Variants in SNX30 observed in about 807,000 individuals in gnomAD.
SNX30 encodes the protein sorting nexin family member 30.
A neutral mutation model predicts 46.4 loss-of-function variants in SNX30; 24 were observed. The ratio of observed to expected loss-of-function variants is 0.52; its 90% CI spans 0.37 to 0.73. The LOEUF is 0.73. Ranked by LOEUF, SNX30 falls within the 30% of genes least tolerant of loss-of-function variation. The pLI is 0.00. For synonymous variants in SNX30, 189 were observed against 211.5 expected, an observed-to-expected ratio of 0.89 and a Z score of 0.92; for missense variants, 533 against 555.7, an observed-to-expected ratio of 0.96 and a Z score of 0.41.
rs7026148 is a variant in SNX30 at position 112,874,308 on chromosome 9, T to C, written c.*5465T>C. 91,937 of 152,082 alleles carry C rather than the reference T, an allele frequency of 0.6. 28,318 individuals carry two copies. Among genetic ancestry groups the C allele is most frequent in the Middle Eastern group, 0.76 (222 of 294 alleles). The allele number at this position is 152,082 out of a possible 1,614,324, so 9.4% of individuals were successfully genotyped here. Reference sequence around the variant, plus strand: ...GATGAAGTCTGGTGGATTCCCTGTCTGTTGTATTTCTGTGTGCCTGTTCCC... The same window carrying C: ...GATGAAGTCTGGTGGATTCCCTGTCCGTTGTATTTCTGTGTGCCTGTTCCC... On this transcript the variant is annotated 3_prime_UTR_variant, in exon 9 of 9. Transcript: ENST00000374232.
At chr9:112,845,827 T>C (rs1261544224) in intron 6 of SNX30, among the ~76,000 whole-genome samples, 2 of 152,124 alleles carry the variant, frequency 1.3e-5, no homozygotes, top group Admixed American at 1.3e-4. Context: ...TTCCATGGAG[T>C]TTCCCTCTTG....
chr9:112,876,200 G>A (rs1212911584), downstream of SNX30, among the ~76,000 whole-genome samples: 1 of 152,208 alleles, frequency 6.6e-6, no homozygotes, highest in East Asian at 1.9e-4. Context: ...AAGTGATAAA[G>A]GGAGGTGAAA....
intron 1 of SNX30, among the ~76,000 whole-genome samples, chr9:112,763,764 G>A (rs1216491990): frequency 2.6e-5 from 4 of 151,454 alleles, no homozygotes; most frequent in East Asian, 2.0e-4. Flanking sequence ...CAGGAGAATC[G>A]CTTGAACCAG....
intron 1 of SNX30, among the ~76,000 whole-genome samples, chr9:112,793,107 GC>G (rs1324803233): frequency 4.6e-5 from 7 of 152,158 alleles, no homozygotes; most frequent in South Asian, 2.1e-4. Context: ...CCTGCTATTT[GC>G]CCCCATCAGA....
At chr9:112,779,895 G>T (rs757087230) in intron 1 of SNX30, among the ~76,000 whole-genome samples, 1 of 152,138 alleles carries the variant, frequency 6.6e-6, no homozygotes. Context: ...GAGGGGACGT[G>T]GGGAATCTCT....
chr9:112,819,992 T>G (rs1279744923), intron 3 of SNX30, among the ~76,000 whole-genome samples: 2 of 152,212 alleles, frequency 1.3e-5, no homozygotes, highest in Non-Finnish European at 2.9e-5. Context: ...GCCCACACCA[T>G]GCATCAGGGA....
chr9:112,812,461 G>A (rs2131413633), intron 2 of SNX30, among the ~76,000 whole-genome samples: 1 of 152,178 alleles, frequency 6.6e-6, no homozygotes, highest in Non-Finnish European at 1.5e-5. Context: ...TCACCATGTT[G>A]GCCAGGCTGG....
chr9:112,852,062 C>T (rs1260603453), intron 7 of SNX30, among the ~76,000 whole-genome samples: 1 of 152,128 alleles, frequency 6.6e-6, no homozygotes, highest in Non-Finnish European at 1.5e-5. Context: ...GCAGATGGCA[C>T]CATGTTCCAG....
chr9:112,865,659 ATATG>A (rs1311099028), intron 8 of SNX30, among the ~76,000 whole-genome samples: 825 of 79,048 alleles, frequency 0.01, 14 homozygotes, highest in South Asian at 0.031. Flanking sequence ...ATATATATAT[ATATG>A]TATGTATGTA....
chr9:112,752,896 T>C (rs1171610590), intron 1 of SNX30, among the ~76,000 whole-genome samples: 1 of 152,188 alleles, frequency 6.6e-6, no homozygotes, highest in Non-Finnish European at 1.5e-5. Context: ...ACTTCTAAGC[T>C]CACTCACATG....
Position 112,852,486 on chromosome 9 carries a change from T to TCCCCA in SNX30, c.1101+1554_1101+1558dup, listed in dbSNP as rs1841044432. 2.0e-5 allele frequency among the ~76,000 whole-genome samples: 3 copies of TCCCCA among 152,206 alleles called. No homozygotes were observed. The South Asian group carries it at 6.2e-4, about 32-fold the overall frequency. ...GATATCTCAGAAGTCCTGGAACTGA[T>TCCCCA]CCCCACCCCACCCCACCAGATAGCG... On this transcript the variant is annotated intron_variant, in intron 7 of 8. Coordinates refer to ENST00000374232, the MANE Select transcript of SNX30 (RefSeq NM_001012994.2).
At chr9:112,884,018 G>A (rs1430793918), downstream of SNX30, among the ~76,000 whole-genome samples, 1 of 152,176 alleles carries the variant, frequency 6.6e-6, no homozygotes, top group African/African-American at 2.4e-5. Flanking sequence ...TGAAGAATGA[G>A]GCATTAGTTA....
Position 112,804,892 on chromosome 9 carries a change from CT to C in SNX30, c.275del (p.Phe92SerfsTer3). 1.9e-6 allele frequency: 3 copies of C among 1,613,876 alleles called. No individual in the cohort carries two copies. Among genetic ancestry groups the C allele is most frequent in the Non-Finnish European group, 2.5e-6 (3 of 1,179,888 alleles). ...ATATTGATGGTGAGACTAGAGATCT[CT>C]TCGTTATAGTTGATGATCCCAAGAA... The part of the protein sequence containing the change: ...DDIDGETRDL[F>X]VIVDDPKKHV... On this transcript the variant is annotated frameshift_variant, in exon 2 of 9. Transcript: ENST00000374232. LOFTEE classifies it high-confidence loss of function.
At chr9:112,830,429 A>G (rs1202770030) in intron 3 of SNX30, among the ~76,000 whole-genome samples, 1 of 151,842 alleles carries the variant, frequency 6.6e-6, no homozygotes. Flanking sequence ...TTTCCATCAT[A>G]TCACGTGTAC....
chr9:112,865,719 A>G lies in SNX30; in HGVS notation c.1254+1320A>G, dbSNP rs144633685. 7.6e-3 allele frequency among the ~76,000 whole-genome samples: 942 copies of G among 124,226 alleles called. 8 individuals are homozygous for G. Among genetic ancestry groups the G allele is most frequent in the Middle Eastern group, 0.041 (10 of 242 alleles). The allele number at this position is 124,226 out of a possible 152,430, so 81.5% of individuals were successfully genotyped here. ...TACACACATATATATACACACATAT[A>G]CATACATACATACACACATGAGTGA... On this transcript the variant is annotated intron_variant, in intron 8 of 8. Coordinates refer to ENST00000374232, the MANE Select transcript of SNX30 (RefSeq NM_001012994.2).
chr9:112,756,221 G>A (rs1022966520), intron 1 of SNX30, among the ~76,000 whole-genome samples: 24 of 151,626 alleles, frequency 1.6e-4, no homozygotes, highest in East Asian at 7.7e-4. Context: ...TGTTAGACAA[G>A]CAGGAAACAA....
rs750428027 is a variant in SNX30 at position 112,864,414 on chromosome 9, C to T, written c.1254+15C>T. ...ATTATGAGAAGGTAATGAGTGTGCC[C>T]AACAAGACTGGTTTCTAATGGCCAG... On this transcript the variant is annotated intron_variant, in intron 8 of 8. Coordinates refer to ENST00000374232, the MANE Select transcript of SNX30 (RefSeq NM_001012994.2). The T allele has an allele frequency of 3.5e-5, 57 of 1,613,742 alleles. No individual in the cohort carries two copies. The highest frequency in any genetic ancestry group is 4.7e-5 in the Non-Finnish European group (56 of 1,179,924).
intron 1 of SNX30, among the ~76,000 whole-genome samples, chr9:112,776,759 T>G (rs913042382): frequency 1.8e-4 from 27 of 152,212 alleles, no homozygotes; most frequent in African/African-American, 6.5e-4. Context: ...AGAGTCTAGG[T>G]CTTTGGAACT....
chr9:112,804,061 G>T (rs1208951250), intron 1 of SNX30, among the ~76,000 whole-genome samples: 3 of 148,594 alleles, frequency 2.0e-5, no homozygotes, highest in African/African-American at 7.5e-5. Context: ...AGATGAACCC[G>T]GTACCTCAGA....
Sources: allele counts gnomAD v4.1 joint callset (sites outside exome capture counted in the v4.1 genomes callset), GRCh38; gene constraint gnomAD v4.1.1; transcripts MANE v1.5; gene names NCBI Gene and HGNC (gene_info 2026-07-23, HGNC 2026-07-21).